Variants in SYNPR observed in about 807,000 individuals in gnomAD.
SYNPR encodes the protein synaptoporin.
Under a neutral mutation model 32.9 loss-of-function variants are expected in SYNPR, and 23 were observed. The ratio of observed to expected loss-of-function variants is 0.70; its 90% CI spans 0.50 to 0.99. The LOEUF (loss-of-function observed/expected upper bound fraction) is 0.99, where lower values mean the gene tolerates loss of function less well. Among genes scored for constraint, SYNPR ranks in the 50% least tolerant of loss-of-function variants. The pLI, the probability that SYNPR is intolerant of heterozygous loss-of-function variation, is 0.00. For synonymous variants in SYNPR, 146 were observed against 135.9 expected (o/e 1.07, Z -0.52); for missense variants, 318 against 349.3 (o/e 0.91, Z 0.71).
At chr3:63,570,766 GT>G (rs1331673395) in intron 4 of SYNPR, among the ~76,000 whole-genome samples, 1 of 152,118 alleles carries the variant, frequency 6.6e-6, no homozygotes, top group Non-Finnish European at 1.5e-5. Context: ...ATTGGATGTG[GT>G]TTTGTCTGAT....
chr3:63,487,894 G>A (rs1457531326), intron 3 of SYNPR, among the ~76,000 whole-genome samples: 2 of 152,148 alleles, frequency 1.3e-5, no homozygotes, highest in African/African-American at 4.8e-5. Flanking sequence ...CACATTGAAG[G>A]AAAGGAAAGC....
chr3:63,296,754 A>G (rs1318436500), intron 2 of SYNPR, among the ~76,000 whole-genome samples: 2 of 152,178 alleles, frequency 1.3e-5, no homozygotes, highest in Non-Finnish European at 2.9e-5. Flanking sequence ...CAAATAATTA[A>G]TTCTACTCTT....
chr3:63,398,566 A>C (rs2088248031), intron 2 of SYNPR, among the ~76,000 whole-genome samples: 1 of 151,906 alleles, frequency 6.6e-6, no homozygotes, highest in Non-Finnish European at 1.5e-5. Context: ...AAAAAAAAAA[A>C]AATTAGCCGG....
chr3:63,371,539 G>A (rs979106561), intron 2 of SYNPR, among the ~76,000 whole-genome samples: 11 of 152,216 alleles, frequency 7.2e-5, no homozygotes, highest in Admixed American at 1.3e-4. Context: ...TCCCTGGGAC[G>A]GAGCTCCCAG....
At chr3:63,528,761 G>A (rs1005341244) in intron 3 of SYNPR, among the ~76,000 whole-genome samples, 1 of 151,944 alleles carries the variant, frequency 6.6e-6, no homozygotes, top group Non-Finnish European at 1.5e-5. Context: ...AGTACTACGC[G>A]ATCTTCCTCA....
chr3:63,322,157 G>A (rs1450596241), intron 2 of SYNPR, among the ~76,000 whole-genome samples: 1 of 152,020 alleles, frequency 6.6e-6, no homozygotes, highest in Non-Finnish European at 1.5e-5. Flanking sequence ...GATGGAGGGT[G>A]TGCAGCAATG....
chr3:63,225,627 T>C (rs180909727), upstream of SYNPR, among the ~76,000 whole-genome samples: 235 of 152,186 alleles, frequency 1.5e-3, 1 homozygote, highest in Non-Finnish European at 2.7e-3. Flanking sequence ...GGAACCCATC[T>C]CCCATCATAT....
intron 2 of SYNPR, among the ~76,000 whole-genome samples, chr3:63,451,546 C>A (rs1490162243): frequency 6.6e-6 from 1 of 152,136 alleles, no homozygotes; most frequent in East Asian, 1.9e-4. Flanking sequence ...TCTTAAGACC[C>A]TGTTACCCCC....
At chr3:63,371,168 C>T (rs1396582044) in intron 2 of SYNPR, among the ~76,000 whole-genome samples, 1 of 151,984 alleles carries the variant, frequency 6.6e-6, no homozygotes, top group Non-Finnish European at 1.5e-5. Context: ...GAGTGACAGT[C>T]CCCAGGAACC....
At chr3:63,512,245 T>A (rs752525495) in intron 3 of SYNPR, among the ~76,000 whole-genome samples, 25 of 152,152 alleles carry the variant, frequency 1.6e-4, no homozygotes, top group Non-Finnish European at 2.8e-4. Flanking sequence ...TGGCACTGCC[T>A]CTTTCTGTGT....
At chr3:63,351,213 C>T (rs1412951553) in intron 2 of SYNPR, among the ~76,000 whole-genome samples, 4 of 152,172 alleles carry the variant, frequency 2.6e-5, no homozygotes, top group Admixed American at 6.5e-5. Context: ...AGATAAGCAC[C>T]ATAAGTACTG....
intron 2 of SYNPR, among the ~76,000 whole-genome samples, chr3:63,381,080 G>C (rs1257591665): frequency 2.6e-5 from 4 of 152,084 alleles, no homozygotes; most frequent in Non-Finnish European, 5.9e-5. Context: ...AAGAAATAAA[G>C]GGTATTCAAT....
At chr3:63,489,943 G>A (rs1354018973) in intron 3 of SYNPR, among the ~76,000 whole-genome samples, 2 of 152,164 alleles carry the variant, frequency 1.3e-5, no homozygotes, top group Non-Finnish European at 2.9e-5. Context: ...CTCCTAAGTG[G>A]AGCGGGGAGT....
chr3:63,610,703 G>A (rs1352298782), intron 5 of SYNPR: 1 of 418,266 alleles, frequency 2.4e-6, no homozygotes, highest in Non-Finnish European at 4.2e-6. Flanking sequence ...AGTATTTAAT[G>A]AAAGCTATTA....
chr3:63,609,077 G>A (rs1374229833), intron 4 of SYNPR, 48 bp from the exon 5 acceptor site: 2 of 1,533,180 alleles, frequency 1.3e-6, no homozygotes, highest in Non-Finnish European at 1.8e-6. Flanking sequence ...CTTGTTTCTA[G>A]AACTCACATT....
At chr3:63,544,365 T>C (rs1254083613) in intron 3 of SYNPR, among the ~76,000 whole-genome samples, 1 of 152,138 alleles carries the variant, frequency 6.6e-6, no homozygotes, top group Non-Finnish European at 1.5e-5. Context: ...AGGATTTGTT[T>C]ATTTATGGTG....
intron 2 of SYNPR, among the ~76,000 whole-genome samples, chr3:63,290,891 C>T (rs1475737224): frequency 6.6e-6 from 1 of 152,174 alleles, no homozygotes; most frequent in Non-Finnish European, 1.5e-5. Flanking sequence ...GCCTTTTATG[C>T]ACTGGCTTCA....
upstream of SYNPR, among the ~76,000 whole-genome samples, chr3:63,275,546 T>C (rs1369545488): frequency 6.6e-6 from 1 of 152,188 alleles, no homozygotes; most frequent in African/African-American, 2.4e-5. Context: ...CCTGAGGGAA[T>C]AGGCTCAGTA....
rs183680650 is a variant in SYNPR at position 63,402,601 on chromosome 3, A to G, written c.85-78231A>G. On this transcript the variant is annotated intron_variant, in intron 2 of 5. Transcript: ENST00000478300. ...TGTGACAGTGGGCATAGCTAGGATGACTCCAAGATGAAGGAAGCAGTGGGA... is the reference window on the plus strand; with the variant it reads ...TGTGACAGTGGGCATAGCTAGGATGGCTCCAAGATGAAGGAAGCAGTGGGA... Among the ~76,000 whole-genome samples the G allele has an allele frequency of 1.4e-3, 216 of 152,264 alleles. 1 individual carries two copies. The highest frequency in any genetic ancestry group is 0.014 in the Middle Eastern group (4 of 294).
Sources: allele counts gnomAD v4.1 joint callset (sites outside exome capture counted in the v4.1 genomes callset), GRCh38; gene constraint gnomAD v4.1.1; transcripts MANE v1.5; gene names NCBI Gene and HGNC (gene_info 2026-07-23, HGNC 2026-07-21).